BBX: variants seen among roughly 807,000 people sequenced by gnomAD.
The protein encoded by BBX is BBX high mobility group box domain containing, also known as HMG box transcription factor BBX.
In BBX, 30 loss-of-function variants were observed where a neutral mutation model predicts 100.2. The ratio of observed to expected loss-of-function variants is 0.30; its 90% CI spans 0.22 to 0.41. The LOEUF (loss-of-function observed/expected upper bound fraction) is 0.41. Among genes scored for constraint, BBX ranks in the 10% least tolerant of loss-of-function variants. The probability of loss-of-function intolerance (pLI) is 1.00; values close to 1 mark genes in which losing one functional copy is unlikely to be tolerated. For synonymous variants in BBX, 376 were observed against 388.1 expected, an observed-to-expected ratio of 0.97 and a Z score of 0.37; for missense variants, 1,023 against 1,129.8, an observed-to-expected ratio of 0.91 and a Z score of 1.35.
chr3:107,733,074 C>G, intron 7 of BBX, 51 bp downstream of exon 7: 1 of 1,507,364 alleles, frequency 6.6e-7, no homozygotes, highest in Non-Finnish European at 9.2e-7. Flanking sequence ...GGGTTGGGAA[C>G]ACAGTTATAG....
intron 4 of BBX, among the ~76,000 whole-genome samples, chr3:107,712,808 G>T (rs1031367293): frequency 1.3e-5 from 2 of 152,186 alleles, no homozygotes; most frequent in East Asian, 3.9e-4. Flanking sequence ...ACTGCTCTCT[G>T]TGCTCACTGT....
chr3:107,665,215 T>C (rs933724845), intron 3 of BBX, among the ~76,000 whole-genome samples: 1 of 152,200 alleles, frequency 6.6e-6, no homozygotes, highest in African/African-American at 2.4e-5. Flanking sequence ...CAGTCAGCAC[T>C]GAAATACCTT....
chr3:107,558,156 T>G (rs1287169891), intron 2 of BBX, among the ~76,000 whole-genome samples: 1 of 152,098 alleles, frequency 6.6e-6, no homozygotes, highest in Non-Finnish European at 1.5e-5. Flanking sequence ...TCAGGGAGCT[T>G]TGGAGTGTGA....
At chr3:107,586,192 G>T (rs1256900904) in intron 2 of BBX, among the ~76,000 whole-genome samples, 1 of 152,128 alleles carries the variant, frequency 6.6e-6, no homozygotes, top group Admixed American at 6.5e-5. Flanking sequence ...TTCTAAAGAG[G>T]TTATTTATAT....
At chr3:107,737,107 A>C (rs558683039) in intron 7 of BBX, among the ~76,000 whole-genome samples, 1 of 152,216 alleles carries the variant, frequency 6.6e-6, no homozygotes, top group South Asian at 2.1e-4. Flanking sequence ...CTTGCCTTCA[A>C]ATCTCAAGGC....
chr3:107,607,775 A>C (rs2107643735), intron 2 of BBX, among the ~76,000 whole-genome samples: 1 of 152,208 alleles, frequency 6.6e-6, no homozygotes, highest in Middle Eastern at 3.4e-3. Flanking sequence ...ATAATACCTC[A>C]CTGTAATTTT....
At chr3:107,629,972 A>G (rs2056444393) in intron 2 of BBX, among the ~76,000 whole-genome samples, 1 of 152,134 alleles carries the variant, frequency 6.6e-6, no homozygotes, top group African/African-American at 2.4e-5. Context: ...GAATAAGCCT[A>G]ACTGGTCTGA....
chr3:107,734,247 A>G (rs780328296), intron 7 of BBX, among the ~76,000 whole-genome samples: 24 of 152,320 alleles, frequency 1.6e-4, no homozygotes, highest in Non-Finnish European at 3.1e-4. Context: ...TTGACTATAT[A>G]TTCAATTTAA....
intron 15 of BBX, among the ~76,000 whole-genome samples, chr3:107,791,854 A>G (rs2069087687): frequency 2.6e-5 from 4 of 152,178 alleles, no homozygotes; most frequent in African/African-American, 9.7e-5. Context: ...TACAAAAATT[A>G]GTTGGCTGTG....
intron 3 of BBX, among the ~76,000 whole-genome samples, chr3:107,690,512 G>A (rs1231491043): frequency 6.6e-6 from 1 of 152,034 alleles, no homozygotes; most frequent in Non-Finnish European, 1.5e-5. Context: ...AAAATTCTTG[G>A]GTTTAACTCA....
At chr3:107,699,277 A>G (rs1489964712) in intron 3 of BBX, among the ~76,000 whole-genome samples, 1 of 151,862 alleles carries the variant, frequency 6.6e-6, no homozygotes, top group African/African-American at 2.4e-5. Flanking sequence ...CACCGGAAGG[A>G]AACAGCAGCC....
chr3:107,698,638 C>T (rs1193064859), intron 3 of BBX, among the ~76,000 whole-genome samples: 2 of 139,642 alleles, frequency 1.4e-5, no homozygotes, highest in Non-Finnish European at 3.1e-5. Flanking sequence ...GGTGACAGAG[C>T]GAGACTCCAT....
chr3:107,774,764 GT>G lies in BBX; in HGVS notation c.1963del (p.Trp655GlyfsTer311). 6.2e-7 allele frequency: 1 copy of G among 1,613,596 alleles called. No individual in the cohort carries two copies. The highest frequency in any genetic ancestry group is 8.5e-7 in the Non-Finnish European group (1 of 1,179,630). On this transcript the variant is annotated frameshift_variant, in exon 12 of 18. Coordinates refer to ENST00000325805, the MANE Select transcript of BBX (RefSeq NM_001142568.3). LOFTEE classifies it high-confidence loss of function. The stretch of plus-strand genomic sequence containing the variant: ...GGAAACTCCTCTGATCATGAAGGGT[GT>G]TGGAATGAAGAAAGCTGGACATTTA... ...GKGNSSDHEG[C>X]WNEESWTFSQ...
intron 2 of BBX, among the ~76,000 whole-genome samples, chr3:107,586,906 A>G (rs182025499): frequency 6.6e-6 from 1 of 151,996 alleles, no homozygotes; most frequent in East Asian, 1.9e-4. Context: ...GCATGCCACC[A>G]TGTCCAGCTA....
At chr3:107,592,178 A>G (rs1158781456) in intron 2 of BBX, among the ~76,000 whole-genome samples, 3 of 151,898 alleles carry the variant, frequency 2.0e-5, no homozygotes, top group African/African-American at 4.8e-5. Flanking sequence ...TACTGTTCCT[A>G]TATTTTTCTT....
intron 2 of BBX, among the ~76,000 whole-genome samples, chr3:107,605,375 AT>A (rs34100576): frequency 2.3e-4 from 34 of 145,802 alleles, no homozygotes; most frequent in Non-Finnish European, 3.1e-4. Context: ...TTCACTTTCT[AT>A]TTTTTTTTTT....
intron 13 of BBX, among the ~76,000 whole-genome samples, chr3:107,778,952 A>G (rs952532309): frequency 1.4e-5 from 2 of 145,704 alleles, no homozygotes; most frequent in Non-Finnish European, 3.0e-5. Context: ...TACTGGCATT[A>G]TAGACCAAAG....
At chr3:107,528,320 T>G (rs1005139729) in intron 2 of BBX, among the ~76,000 whole-genome samples, 1 of 152,206 alleles carries the variant, frequency 6.6e-6, no homozygotes, top group Non-Finnish European at 1.5e-5. Flanking sequence ...GTTCTGAAAC[T>G]GAAGCCCTAG....
intron 2 of BBX, among the ~76,000 whole-genome samples, chr3:107,554,331 GT>G (rs2049920795): frequency 6.6e-6 from 1 of 152,170 alleles, no homozygotes; most frequent in South Asian, 2.1e-4. Flanking sequence ...CATTTTCTAT[GT>G]GTAGAATGGT....
Sources: allele counts gnomAD v4.1 joint callset (sites outside exome capture counted in the v4.1 genomes callset), GRCh38; gene constraint gnomAD v4.1.1; transcripts MANE v1.5; gene names NCBI Gene and HGNC (gene_info 2026-07-23, HGNC 2026-07-21).